The following ADGRV1 variants were observed in gnomAD, a reference collection of about 807,000 sequenced individuals.
ADGRV1 encodes the protein adhesion G protein-coupled receptor V1, also known as G-protein coupled receptor 98.
In ADGRV1, 359 loss-of-function variants were observed where a neutral mutation model predicts 596.2. That is an observed-to-expected ratio of 0.60 (90% CI 0.55 to 0.66). The LOEUF (loss-of-function observed/expected upper bound fraction) is 0.66, where lower values mean the gene tolerates loss of function less well. ADGRV1 is among the 30% of genes least tolerant of loss of function. The probability of loss-of-function intolerance (pLI) is 0.00; values close to 1 mark genes in which losing one functional copy is unlikely to be tolerated. For missense variants in ADGRV1, 7,274 were observed against 7,575.6 expected (o/e 0.96, Z 1.48); for synonymous variants, 2,681 against 2,679.2 (o/e 1.00, Z -0.02).
At position 90,678,881 on chromosome 5, in the gene ADGRV1, GCAA is replaced by G. The variant is rs545457698; in HGVS notation, c.5444-662_5444-660del. Among the ~76,000 whole-genome samples, 989 of 152,092 alleles carry G rather than the reference GCAA, an allele frequency of 6.5e-3. 7 individuals are homozygous for G. The highest frequency in any genetic ancestry group is 0.027 in the Middle Eastern group (8 of 294). On this transcript the variant is annotated intron_variant, in intron 25 of 89. Transcript: ENST00000405460. ...CTTTGGGGAACACATTCAACCCATA[GCAA>G]CAACATTTCTATAATAAAAGACAGC...
At chr5:90,951,869 G>A (rs897005514) in intron 83 of ADGRV1, among the ~76,000 whole-genome samples, 2 of 152,082 alleles carry the variant, frequency 1.3e-5, no homozygotes, top group Non-Finnish European at 2.9e-5. Context: ...ATAAAGAGTT[G>A]ACGCTATTTT....
At chr5:90,719,683 C>T (rs751610565) in intron 43 of ADGRV1, among the ~76,000 whole-genome samples, 3 of 152,116 alleles carry the variant, frequency 2.0e-5, no homozygotes, top group African/African-American at 7.2e-5. Context: ...CCTGCTATGA[C>T]TACAAATGTT....
rs146638672 is a variant in ADGRV1 at position 90,721,275 on chromosome 5, C to T, written c.9748+216C>T. Among the ~76,000 whole-genome samples the T allele has an allele frequency of 0.034, 5,130 of 151,982 alleles. 146 individuals carry two copies. Among genetic ancestry groups the T allele is most frequent in the Non-Finnish European group, 0.048 (3,293 of 67,990 alleles). On this transcript the variant is annotated intron_variant, in intron 45 of 89. Transcript: ENST00000405460. ...ATCCCAGCACTTTGGAAGGCCGAGG[C>T]GGGTGGATCACAAGGTCAGGAGATC...
At position 91,038,233 on chromosome 5, in the gene ADGRV1, G is replaced by A. The variant is rs563954373; in HGVS notation, c.18153-34214G>A. 7.9e-5 allele frequency among the ~76,000 whole-genome samples: 12 copies of A among 152,334 alleles called. No individual in the cohort carries two copies. In the South Asian group the frequency reaches 2.5e-3, roughly 32 times the overall value. ...ATTATTAGAGAAACTACAAGAAAGC[G>A]AGGATTACTAGAGCAGTGTAAGATA... On this transcript the variant is annotated intron_variant, in intron 85 of 89. Coordinates refer to ENST00000405460, the MANE Select transcript of ADGRV1 (RefSeq NM_032119.4).
At chr5:90,622,747 AT>A in intron 5 of ADGRV1, 46 bp downstream of exon 5, 1 of 933,454 alleles carries the variant, frequency 1.1e-6, no homozygotes, top group South Asian at 2.2e-5. Flanking sequence ...TTTTATTTTT[AT>A]TTATTTATTT....
intron 87 of ADGRV1, among the ~76,000 whole-genome samples, chr5:91,108,626 G>A (rs777199416): frequency 3.3e-5 from 5 of 151,796 alleles, no homozygotes; most frequent in Non-Finnish European, 5.9e-5. Flanking sequence ...ACAGGGTCTC[G>A]TTGTTTCTCC....
At chr5:90,590,745 A>G (rs1759379914) in intron 1 of ADGRV1, among the ~76,000 whole-genome samples, 2 of 152,238 alleles carry the variant, frequency 1.3e-5, no homozygotes, top group Non-Finnish European at 2.9e-5. Flanking sequence ...GCCCCATCCA[A>G]TTTGAAAGTA....
intron 21 of ADGRV1, among the ~76,000 whole-genome samples, chr5:90,661,092 C>T (rs965837176): frequency 6.6e-6 from 1 of 152,154 alleles, no homozygotes; most frequent in Admixed American, 6.5e-5. Flanking sequence ...TTTGTTAGAT[C>T]TATAGCCTAG....
At position 90,690,791 on chromosome 5, in the gene ADGRV1, CT is replaced by C; in HGVS notation, c.6707-4del. ...TGAAATGAACTCTGCTCTGTCTACC[CT>C]TCAGGTTTTCAGATTACTAAACTTA... On this transcript the variant is annotated splice_region_variant and splice_polypyrimidine_tract_variant and intron_variant, in intron 30 of 89. Transcript: ENST00000405460. 1 of 1,589,290 alleles carries C rather than the reference CT, an allele frequency of 6.3e-7. No homozygotes were observed. The highest frequency in any genetic ancestry group is 8.6e-7 in the Non-Finnish European group (1 of 1,166,286).
chr5:91,095,882 G>A (rs1043362900), intron 86 of ADGRV1, among the ~76,000 whole-genome samples: 33 of 151,540 alleles, frequency 2.2e-4, no homozygotes, highest in African/African-American at 7.8e-4. Flanking sequence ...TCCCAGGTTC[G>A]TGTCATGCTC....
intron 86 of ADGRV1, among the ~76,000 whole-genome samples, chr5:91,085,536 C>T (rs1037178860): frequency 3.9e-5 from 6 of 152,168 alleles, no homozygotes; most frequent in Admixed American, 1.3e-4. Context: ...TTATCTCACA[C>T]GACTTTCCTT....
intron 85 of ADGRV1, among the ~76,000 whole-genome samples, chr5:91,013,309 A>T (rs1782877445): frequency 6.6e-6 from 1 of 152,100 alleles, no homozygotes; most frequent in South Asian, 2.1e-4. Flanking sequence ...CAATGGTTGG[A>T]CTAATTTACA....
At chr5:91,141,896 G>A (rs1001763223) in intron 87 of ADGRV1, among the ~76,000 whole-genome samples, 60 of 152,102 alleles carry the variant, frequency 3.9e-4, no homozygotes, top group African/African-American at 1.4e-3. Flanking sequence ...ATGCAAACCC[G>A]GTTTCAGCAG....
At chr5:90,932,424 T>TG (rs1429959302) in intron 83 of ADGRV1, among the ~76,000 whole-genome samples, 2 of 152,140 alleles carry the variant, frequency 1.3e-5, no homozygotes, top group African/African-American at 4.8e-5. Context: ...TTGCTTCTGT[T>TG]TGCTAGTGGA....
chr5:90,856,430 G>T (rs1342726741), intron 82 of ADGRV1, among the ~76,000 whole-genome samples: 2 of 152,006 alleles, frequency 1.3e-5, no homozygotes, highest in Non-Finnish European at 2.9e-5. Context: ...CTCATATTTG[G>T]CAGTAAGAAG....
chr5:90,786,440 A>T (rs985625186), intron 67 of ADGRV1, among the ~76,000 whole-genome samples: 1 of 152,214 alleles, frequency 6.6e-6, no homozygotes, highest in African/African-American at 2.4e-5. Context: ...ATAGGATGCC[A>T]TTAGAAAATC....
chr5:90,985,864 C>T (rs1316962812), intron 85 of ADGRV1, among the ~76,000 whole-genome samples: 1 of 151,880 alleles, frequency 6.6e-6, no homozygotes. Flanking sequence ...GAGTGTGGCA[C>T]ATTCTCTAAG....
rs140988148 is a variant in ADGRV1 at position 90,816,696 on chromosome 5, A to T, written c.16196+960A>T. ...TTGTCCTTGCGATAGTTTGCTGAGA[A>T]TGATGGTTTCCAGCTTCATCCATGT... On this transcript the variant is annotated intron_variant, in intron 75 of 89. Transcript: ENST00000405460. Among the ~76,000 whole-genome samples the T allele has an allele frequency of 6.9e-3, 1,054 of 151,866 alleles. 7 individuals carry two copies. Among genetic ancestry groups the T allele is most frequent in the Non-Finnish European group, 0.012 (789 of 67,986 alleles).
In ADGRV1 at chr5:90,627,261, A is replaced by G; in HGVS notation, c.723A>G (p.Gly241=). ...TAATTCAACTGAAAAGTGTAGAAGG[A>G]GGAGCTGAGATTAACACCTCTAGGA... ...IFLIQLKSVE[G]GAEINTSRNS... is the part of the protein sequence containing the mutation. The change falls in exon 7 of 90, where the codon GGA becomes GGG. Residue 241 remains glycine (G), a synonymous_variant. Coordinates refer to ENST00000405460, the MANE Select transcript of ADGRV1 (RefSeq NM_032119.4). The G allele has an allele frequency of 6.3e-7, 1 of 1,590,202 alleles. No homozygotes were observed.
Sources: gnomAD v4.1 joint callset for allele counts (sites outside exome capture counted in the v4.1 genomes callset) on GRCh38, gnomAD v4.1.1 for gene constraint, MANE v1.5 for transcripts, NCBI Gene and HGNC (gene_info 2026-07-23, HGNC 2026-07-21) for gene names.